Variants in SSBP2 observed in about 807,000 individuals in gnomAD.
The protein encoded by SSBP2 is single stranded DNA binding protein 2.
In SSBP2, 17 loss-of-function variants were observed where a neutral mutation model predicts 61.8. That is an observed-to-expected ratio of 0.28 (90% confidence interval 0.19 to 0.41). The LOEUF is 0.41. Among genes scored for constraint, SSBP2 ranks in the 10% least tolerant of loss-of-function variants. The pLI, the probability that SSBP2 is intolerant of heterozygous loss-of-function variation, is 1.00. For synonymous variants in SSBP2, 139 were observed against 141.3 expected (o/e 0.98, Z 0.12); for missense variants, 310 against 458.7 (o/e 0.68, Z 2.96).
At chr5:81,592,119 T>C (rs1251104294) in intron 4 of SSBP2, among the ~76,000 whole-genome samples, 1 of 152,006 alleles carries the variant, frequency 6.6e-6, no homozygotes, top group Non-Finnish European at 1.5e-5. Flanking sequence ...ACCTGGAAAA[T>C]CGGGTCACTC....
chr5:81,491,987 A>C (rs1459436127), intron 5 of SSBP2, among the ~76,000 whole-genome samples: 1 of 152,206 alleles, frequency 6.6e-6, no homozygotes, highest in African/African-American at 2.4e-5. Context: ...AGAATCTAAA[A>C]GCGTTTGCAT....
intron 4 of SSBP2, among the ~76,000 whole-genome samples, chr5:81,596,108 TCTC>T (rs1416191189): frequency 6.6e-6 from 1 of 152,052 alleles, no homozygotes. Flanking sequence ...CAGCCCAAAA[TCTC>T]CTCAAGCTGA....
intron 5 of SSBP2, among the ~76,000 whole-genome samples, chr5:81,504,962 C>A (rs6872753): frequency 1.3e-5 from 2 of 152,198 alleles, no homozygotes; most frequent in African/African-American, 4.8e-5. Context: ...ATACTCCCTA[C>A]CCCCAAGAAT....
intron 8 of SSBP2, 44 bp downstream of exon 8, chr5:81,473,656 T>G (rs1365890634): frequency 3.9e-6 from 6 of 1,555,388 alleles, no homozygotes; most frequent in Non-Finnish European, 5.3e-6. Flanking sequence ...GCATTTGGGT[T>G]GGTTCCATAT....
At chr5:81,546,246 G>T (rs1252403203) in intron 4 of SSBP2, among the ~76,000 whole-genome samples, 2 of 152,126 alleles carry the variant, frequency 1.3e-5, no homozygotes, top group South Asian at 4.2e-4. Context: ...CTTGTCCAAG[G>T]CCACATATTA....
intron 1 of SSBP2, among the ~76,000 whole-genome samples, chr5:81,735,673 CAG>C (rs1186429825): frequency 6.6e-6 from 1 of 152,096 alleles, no homozygotes; most frequent in Admixed American, 6.5e-5. Flanking sequence ...GTAGAACCCA[CAG>C]AGAGGACTGA....
Position 81,440,609 on chromosome 5 carries a change from G to C in SSBP2, c.877C>G (p.Pro293Ala). 5 of 1,613,298 alleles carry C rather than the reference G, an allele frequency of 3.1e-6. No individual in the cohort carries two copies. The highest frequency in any genetic ancestry group is 4.2e-6 in the Non-Finnish European group (5 of 1,179,568). ...TCCATTCCTCCTAATCCACCCATGGGACCATCTGACCCAGGACCCATTGGA... is the reference window on the plus strand; with the variant it reads ...TCCATTCCTCCTAATCCACCCATGGCACCATCTGACCCAGGACCCATTGGA... Residue 293 changes from proline (P) to alanine (A), a missense_variant, in exon 14 of 17, where the codon CCC becomes GCC. Transcript: ENST00000320672.
chr5:81,652,499 C>T (rs1336198693), intron 1 of SSBP2, among the ~76,000 whole-genome samples: 1 of 152,082 alleles, frequency 6.6e-6, no homozygotes, highest in Admixed American at 6.6e-5. Context: ...GGTGTGAGCC[C>T]ATCCTCCTAC....
intron 2 of SSBP2, among the ~76,000 whole-genome samples, chr5:81,647,970 A>G (rs1397405012): frequency 1.3e-5 from 2 of 152,120 alleles, no homozygotes; most frequent in Non-Finnish European, 2.9e-5. Context: ...TTTAATAATC[A>G]CTGTATCTAA....
intron 1 of SSBP2, among the ~76,000 whole-genome samples, chr5:81,699,854 C>CTTT (rs3081889): frequency 4.8e-5 from 6 of 124,860 alleles, no homozygotes; most frequent in East Asian, 2.2e-4. Flanking sequence ...AAATCAATTT[C>CTTT]TTTTTTTTTT....
chr5:81,677,208 A>G (rs1469699612), intron 1 of SSBP2, among the ~76,000 whole-genome samples: 1 of 152,218 alleles, frequency 6.6e-6, no homozygotes, highest in Non-Finnish European at 1.5e-5. Context: ...TTGGACATCC[A>G]GTTTCTAGTC....
At chr5:81,499,196 T>C (rs1767514841) in intron 5 of SSBP2, among the ~76,000 whole-genome samples, 1 of 152,158 alleles carries the variant, frequency 6.6e-6, no homozygotes, top group South Asian at 2.1e-4. Context: ...ACATCTTAGA[T>C]ATTCTATCAT....
intron 5 of SSBP2, among the ~76,000 whole-genome samples, chr5:81,503,440 C>G (rs971004246): frequency 2.0e-5 from 3 of 151,938 alleles, no homozygotes; most frequent in Non-Finnish European, 4.4e-5. Flanking sequence ...GGTGACAGAG[C>G]GAGACTCCAT....
At chr5:81,749,938 C>T (rs1757611937) in intron 1 of SSBP2, among the ~76,000 whole-genome samples, 1 of 152,146 alleles carries the variant, frequency 6.6e-6, no homozygotes, top group Non-Finnish European at 1.5e-5. Flanking sequence ...CCACAAACCC[C>T]TTTTCGGACC....
intron 4 of SSBP2, among the ~76,000 whole-genome samples, chr5:81,520,120 G>T (rs1443356364): frequency 6.6e-6 from 1 of 151,808 alleles, no homozygotes; most frequent in African/African-American, 2.4e-5. Context: ...AATTAGCTGG[G>T]ACTACAGGCA....
At chr5:81,608,211 A>G (rs1216756055) in intron 4 of SSBP2, among the ~76,000 whole-genome samples, 1 of 152,146 alleles carries the variant, frequency 6.6e-6, no homozygotes, top group African/African-American at 2.4e-5. Context: ...CATCAGCCAC[A>G]TTAATTACAA....
intron 4 of SSBP2, among the ~76,000 whole-genome samples, chr5:81,556,831 T>C (rs1022808378): frequency 2.0e-5 from 3 of 152,148 alleles, no homozygotes; most frequent in African/African-American, 7.2e-5. Flanking sequence ...TATACCTCAT[T>C]TTTTCATTAT....
At chr5:81,727,395 C>G (rs989288443) in intron 1 of SSBP2, among the ~76,000 whole-genome samples, 5 of 152,068 alleles carry the variant, frequency 3.3e-5, no homozygotes, top group African/African-American at 9.7e-5. Flanking sequence ...ACTAAAAATA[C>G]AAAGTTAGCC....
chr5:81,538,240 T>C (rs910605909), intron 4 of SSBP2, among the ~76,000 whole-genome samples: 1 of 152,178 alleles, frequency 6.6e-6, no homozygotes, highest in African/African-American at 2.4e-5. Context: ...GATTTAGTGA[T>C]GTGGATAGAA....
Sources: allele counts gnomAD v4.1 joint callset (sites outside exome capture counted in the v4.1 genomes callset), GRCh38; gene constraint gnomAD v4.1.1; transcripts MANE v1.5; gene names NCBI Gene and HGNC (gene_info 2026-07-23, HGNC 2026-07-21).